RPL28: variants seen among roughly 807,000 people sequenced by gnomAD.
The protein encoded by RPL28 is large ribosomal subunit protein eL28.
Under a neutral mutation model 12.5 loss-of-function variants are expected in RPL28, and 4 were observed. The observed-to-expected ratio is 0.32, with a 90% CI of 0.16 to 0.73. The LOEUF (loss-of-function observed/expected upper bound fraction) is 0.73. Ranked by LOEUF, RPL28 falls within the 30% of genes least tolerant of loss-of-function variation. RPL28 has a pLI of 0.66. For synonymous variants in RPL28, 91 were observed against 72.5 expected (o/e 1.26, Z -1.30); for missense variants, 214 against 197.7 (o/e 1.08, Z -0.49).
At position 55,386,624 on chromosome 19, in the gene RPL28, C is replaced by T; in HGVS notation, c.136C>T (p.Arg46Cys). ...NSFRYNGLIH[R>C]KTVGVEPAAD... ...CTTCCGCTACAACGGACTGATTCAC[C>T]GCAAGACTGTGGGCGTGGAGCCGGC... The change falls in exon 3 of 5, where the codon CGC (arginine) becomes TGC (cysteine). Residue 46 changes from arginine to cysteine, a missense_variant. Arg to Cys is a radical substitution (Grantham distance 180). Transcript: ENST00000344063. 6.2e-7 allele frequency: 1 copy of T among 1,614,074 alleles called. No homozygotes were observed. The highest frequency in any genetic ancestry group is 8.5e-7 in the Non-Finnish European group (1 of 1,180,000).
Position 55,388,684 on chromosome 19 carries a change from G to T in RPL28, c.*352G>T, listed in dbSNP as rs1323916714. ...GAAAGGCCTTTTCTAGCCCAGAAGG[G>T]TGCAGGCTGAGGGCTGGGCCCTGGG... On this transcript the variant is annotated 3_prime_UTR_variant, in exon 5 of 5. Coordinates refer to ENST00000344063, the MANE Select transcript of RPL28 (RefSeq NM_000991.5). The T allele has an allele frequency of 2.8e-6, 3 of 1,077,180 alleles. No individual in the cohort carries two copies. The highest frequency in any genetic ancestry group is 1.1e-6 in the Non-Finnish European group (1 of 890,014). The allele number at this position is 1,077,180 out of a possible 1,614,324, so 66.7% of individuals were successfully genotyped here.
intron 3 of RPL28, chr19:55,387,192 G>C: frequency 2.2e-6 from 3 of 1,379,222 alleles, no homozygotes; most frequent in Non-Finnish European, 3.0e-6. Flanking sequence ...AGGCCTTTTT[G>C]GGGATTCCCT....
chr19:55,388,115 A>G (rs888659226), intron 4 of RPL28, 67 bp downstream of exon 4: 6 of 1,601,228 alleles, frequency 3.7e-6, no homozygotes, highest in Non-Finnish European at 4.3e-6. Context: ...GCCTCCCACT[A>G]CTGGTTGCAA....
chr19:55,390,492 G>A lies in RPL28; in HGVS notation c.*2160G>A, dbSNP rs1409085148. The stretch of plus-strand genomic sequence containing the variant: ...AGTGCTGGCATTACAGGCGCTCGAG[G>A]CTTTCTGATGTGGCTGCTGCTGCTC... On this transcript the variant is annotated 3_prime_UTR_variant, in exon 5 of 5. Coordinates refer to ENST00000344063, the MANE Select transcript of RPL28 (RefSeq NM_000991.5). 2 of 985,376 alleles carry A rather than the reference G, an allele frequency of 2.0e-6. No homozygotes were observed. Among genetic ancestry groups the A allele is most frequent in the Non-Finnish European group, 2.4e-6 (2 of 830,008 alleles). The allele number at this position is 985,376 out of a possible 1,614,324, so 61.0% of individuals were successfully genotyped here.
At position 55,386,785 on chromosome 19, in the gene RPL28, G is replaced by A. The variant is rs201790491; in HGVS notation, c.205+92G>A. The A allele has an allele frequency of 9.5e-4, 1,536 of 1,611,010 alleles. 5 individuals are homozygous for A. The highest frequency in any genetic ancestry group is 8.1e-4 in the Non-Finnish European group (955 of 1,178,352). On this transcript the variant is annotated intron_variant, in intron 3 of 4. Coordinates refer to ENST00000344063, the MANE Select transcript of RPL28 (RefSeq NM_000991.5). Reference sequence around the variant, plus strand: ...CTGTCAGGCAGGAAGAGCGGTAACTGCCATCGCGGCGGGCATCCCTGGCGC... The same window carrying A: ...CTGTCAGGCAGGAAGAGCGGTAACTACCATCGCGGCGGGCATCCCTGGCGC...
Position 55,389,163 on chromosome 19 carries a change from C to G in RPL28, c.*831C>G. 4 of 981,038 alleles carry G rather than the reference C, an allele frequency of 4.1e-6. No individual in the cohort carries two copies. Among genetic ancestry groups the G allele is most frequent in the Non-Finnish European group, 4.8e-6 (4 of 826,010 alleles). The allele number at this position is 981,038 out of a possible 1,614,324, so 60.8% of individuals were successfully genotyped here. ...GTGAGGCCAGGAGTTTGAGACCATC[C>G]TAGGCAACATAATGAGACACCGTCT... On this transcript the variant is annotated 3_prime_UTR_variant, in exon 5 of 5. Coordinates refer to ENST00000344063, the MANE Select transcript of RPL28 (RefSeq NM_000991.5).
intron 2 of RPL28, 45 bp from the exon 3 acceptor site, chr19:55,386,525 C>T (rs1304724853): frequency 2.3e-5 from 36 of 1,598,054 alleles, no homozygotes; most frequent in Non-Finnish European, 3.0e-5. Context: ...CTTCGCATGT[C>T]TCCGGGTCCC....
chr19:55,401,109 C>T, intron 4 of RPL28: 1 of 386,664 alleles, frequency 2.6e-6, no homozygotes, highest in South Asian at 3.5e-5. Flanking sequence ...GCTCTACCTC[C>T]ACAGAACAAA....
At chr19:55,395,589 G>A (rs28501403), downstream of RPL28, among the ~76,000 whole-genome samples, 33,621 of 151,372 alleles carry the variant, frequency 0.22, 4,107 homozygotes, top group African/African-American at 0.31. Context: ...GACTACAGGC[G>A]CCCACCACCA....
chr19:55,394,917 T>C (rs574537317), downstream of RPL28, among the ~76,000 whole-genome samples: 9 of 152,222 alleles, frequency 5.9e-5, no homozygotes, highest in Admixed American at 1.3e-4. Flanking sequence ...TAAAATATAT[T>C]AAGTGAAAAA....
Position 55,386,638 on chromosome 19 carries a change from C to T in RPL28, c.150C>T (p.Gly50=), listed in dbSNP as rs2089929998. 6.2e-7 allele frequency: 1 copy of T among 1,613,984 alleles called. No individual in the cohort carries two copies. The highest frequency in any genetic ancestry group is 8.5e-7 in the Non-Finnish European group (1 of 1,180,004). The change falls in exon 3 of 5, where the codon GGC becomes GGT. Residue 50 remains glycine (G), a synonymous_variant. Transcript: ENST00000344063. ...GACTGATTCACCGCAAGACTGTGGG[C>T]GTGGAGCCGGCAGCCGACGGCAAAG... ...YNGLIHRKTV[G]VEPAADGKGV... is the part of the protein sequence containing the mutation.
At chr19:55,396,136 T>C (rs975737698), downstream of RPL28, among the ~76,000 whole-genome samples, 5 of 151,718 alleles carry the variant, frequency 3.3e-5, no homozygotes, top group African/African-American at 1.2e-4. Context: ...CTGGGCGTGG[T>C]AGTGTGCACC....
exon 5 of RPL28, chr19:55,403,221 G>A (rs781310935): frequency 4.8e-6 from 3 of 620,788 alleles, no homozygotes; most frequent in Admixed American, 2.6e-5. Flanking sequence ...GAACCCTATC[G>A]CTATTAAAAA....
chr19:55,386,587 G>A lies in RPL28; in HGVS notation c.99G>A (p.Lys33=). ...CTTCCCAGGAGCCCAATAACTTGAA[G>A]GCCCGCAATTCCTTCCGCTACAACG... ...QTYSTEPNNL[K]ARNSFRYNGL... is the part of the protein sequence containing the mutation. The change falls in exon 3 of 5, where the codon AAG becomes AAA. Residue 33 remains lysine (K), a synonymous_variant. Transcript: ENST00000344063. 6 of 1,608,382 alleles carry A rather than the reference G, an allele frequency of 3.7e-6. No homozygotes were observed. The highest frequency in any genetic ancestry group is 2.2e-5 in the South Asian group (2 of 90,986).
chr19:55,387,778 G>C (rs1301365228), intron 3 of RPL28, 152 bp from the exon 4 acceptor site: 1 of 1,465,916 alleles, frequency 6.8e-7, no homozygotes, highest in African/African-American at 1.4e-5. Flanking sequence ...GAAATGGACA[G>C]GTGGGAAAAC....
downstream of RPL28, among the ~76,000 whole-genome samples, chr19:55,393,357 C>T (rs187568626): frequency 3.2e-4 from 47 of 147,708 alleles, no homozygotes; most frequent in African/African-American, 1.0e-3. Flanking sequence ...AGGCTGTAAT[C>T]TCTGAGGCCT....
At chr19:55,401,508 A>G (rs1238305789) in intron 4 of RPL28, 8 of 1,610,116 alleles carry the variant, frequency 5.0e-6, no homozygotes, top group Non-Finnish European at 6.8e-6. Context: ...GCTCGCCAGC[A>G]TGCTTCTTGG....
chr19:55,401,844 C>T, intron 4 of RPL28: 1 of 1,444,740 alleles, frequency 6.9e-7, no homozygotes, highest in Non-Finnish European at 9.6e-7. Flanking sequence ...GGCCTCCGCA[C>T]TGGCTGTTCC....
chr19:55,402,052 G>A (rs567248800), intron 4 of RPL28, among the ~76,000 whole-genome samples: 4 of 152,304 alleles, frequency 2.6e-5, no homozygotes, highest in South Asian at 2.1e-4. Flanking sequence ...CGGGGGAAAC[G>A]CCAAGGCCCC....
Sources: gnomAD v4.1 joint callset for allele counts (sites outside exome capture counted in the v4.1 genomes callset) on GRCh38, gnomAD v4.1.1 for gene constraint, MANE v1.5 for transcripts, NCBI Gene and HGNC (gene_info 2026-07-23, HGNC 2026-07-21) for gene names.